Variants in FGF14 observed in about 807,000 individuals in gnomAD.
FGF14 encodes fibroblast growth factor homologous factor 4.
A neutral mutation model predicts 25.5 loss-of-function variants in FGF14; 5 were observed. The ratio of observed to expected loss-of-function variants is 0.20; its 90% CI spans 0.10 to 0.41. FGF14 has a LOEUF of 0.41. Among genes scored for constraint, FGF14 ranks in the 10% least tolerant of loss-of-function variants. The pLI, the probability that FGF14 is intolerant of heterozygous loss-of-function variation, is 1.00. For synonymous variants in FGF14, 138 were observed against 118.3 expected (o/e 1.17, Z -1.08); for missense variants, 222 against 320.1 (o/e 0.69, Z 2.34).
chr13:102,192,449 G>C (rs1271633194), intron 1 of FGF14, among the ~76,000 whole-genome samples: 1 of 152,096 alleles, frequency 6.6e-6, no homozygotes, highest in Non-Finnish European at 1.5e-5. Context: ...CTTCACCACA[G>C]GCTTTTTTAT....
At chr13:102,222,117 C>A (rs989309061) in intron 1 of FGF14, among the ~76,000 whole-genome samples, 3 of 152,166 alleles carry the variant, frequency 2.0e-5, no homozygotes, top group Admixed American at 1.3e-4. Context: ...CAGTCTCACT[C>A]TGAACACAGA....
At chr13:101,797,595 A>ATTTCAGCCTTTGC (rs1286015645) in intron 3 of FGF14, among the ~76,000 whole-genome samples, 6 of 152,106 alleles carry the variant, frequency 3.9e-5, no homozygotes, top group Non-Finnish European at 7.4e-5. Context: ...CCAAGCTTTG[A>ATTTCAGCCTTTGC]TTTCAGCCTT....
chr13:102,085,691 G>A (rs1337340070), intron 1 of FGF14, among the ~76,000 whole-genome samples: 1 of 152,132 alleles, frequency 6.6e-6, no homozygotes. Context: ...AATGTACTCA[G>A]GTACACAGGT....
intron 1 of FGF14, among the ~76,000 whole-genome samples, chr13:102,378,904 G>T (rs1323457661): frequency 6.6e-6 from 1 of 151,988 alleles, no homozygotes; most frequent in African/African-American, 2.4e-5. Context: ...TTTACACAGG[G>T]TTACATAAAA....
chr13:102,252,764 C>T (rs1461054537), intron 1 of FGF14, among the ~76,000 whole-genome samples: 1 of 151,996 alleles, frequency 6.6e-6, no homozygotes, highest in Non-Finnish European at 1.5e-5. Flanking sequence ...TGGTTTGCTG[C>T]ACCCATTAAC....
intron 1 of FGF14, among the ~76,000 whole-genome samples, chr13:102,227,415 A>G (rs896987435): frequency 1.3e-5 from 2 of 152,000 alleles, no homozygotes; most frequent in Non-Finnish European, 2.9e-5. Flanking sequence ...CCTTTATTCT[A>G]TTTTTTAATA....
At chr13:102,244,119 A>G (rs2051738536) in intron 1 of FGF14, among the ~76,000 whole-genome samples, 1 of 152,084 alleles carries the variant, frequency 6.6e-6, no homozygotes. Flanking sequence ...TGAGAGTACT[A>G]CAAACGCGGT....
intron 1 of FGF14, among the ~76,000 whole-genome samples, chr13:102,103,762 C>T (rs1381193541): frequency 2.0e-5 from 3 of 152,088 alleles, no homozygotes; most frequent in Non-Finnish European, 4.4e-5. Flanking sequence ...GGTCCTGGCC[C>T]CACCCTGCTT....
intron 3 of FGF14, among the ~76,000 whole-genome samples, chr13:101,812,571 C>CA (rs2041577384): frequency 8.6e-6 from 1 of 115,980 alleles, no homozygotes; most frequent in South Asian, 2.9e-4. Context: ...GTGTTAATTT[C>CA]AAAAAGCACA....
At chr13:102,240,989 T>C (rs1241649021) in intron 1 of FGF14, among the ~76,000 whole-genome samples, 1 of 152,136 alleles carries the variant, frequency 6.6e-6, no homozygotes, top group Non-Finnish European at 1.5e-5. Context: ...TCTGAAAAGA[T>C]AATTCTCAGG....
rs531195906 is a variant in FGF14 at position 102,382,095 on chromosome 13, G to C, written c.208+19376C>G. On this transcript the variant is annotated intron_variant, in intron 1 of 4. Coordinates refer to the FGF14 transcript ENST00000376131. The stretch of plus-strand genomic sequence containing the variant: ...GGTTAGGAGATCATTTCTTAGGTAT[G>C]ATACCAACTATGTAAGTGACAAAGA... 3.0e-3 allele frequency among the ~76,000 whole-genome samples: 450 copies of C among 152,210 alleles called. 2 individuals are homozygous for C. The highest frequency in any genetic ancestry group is 5.2e-3 in the Non-Finnish European group (352 of 67,978).
intron 1 of FGF14, among the ~76,000 whole-genome samples, chr13:101,992,936 C>T (rs2038983521): frequency 6.6e-6 from 1 of 151,580 alleles, no homozygotes; most frequent in Non-Finnish European, 1.5e-5. Flanking sequence ...TAAGAATTTC[C>T]CAGAATTAAC....
rs537437325 is a variant in FGF14 at position 101,941,941 on chromosome 13, G to T, written c.209-66645C>A. Among the ~76,000 whole-genome samples the T allele has an allele frequency of 9.9e-5, 15 of 152,170 alleles. No homozygotes were observed. The East Asian group carries it at 2.9e-3, about 29-fold the overall frequency. ...TAGCATTAAGTACAAACCTTAGTTT[G>T]TAAAACTATATGTTTTACTCTCTTA... On this transcript the variant is annotated intron_variant, in intron 1 of 4. Coordinates refer to the FGF14 transcript ENST00000376131.
intron 1 of FGF14, among the ~76,000 whole-genome samples, chr13:102,188,123 C>T (rs768395545): frequency 1.3e-5 from 2 of 152,132 alleles, no homozygotes; most frequent in South Asian, 4.1e-4. Context: ...TAGGCTCCAA[C>T]TTAAATATCC....
intron 1 of FGF14, among the ~76,000 whole-genome samples, chr13:102,083,236 G>C: frequency 6.6e-6 from 1 of 152,140 alleles, no homozygotes; most frequent in African/African-American, 2.4e-5. Flanking sequence ...TCTTTTATCT[G>C]GATGGCTGCA....
At chr13:101,886,340 A>G (rs1341325327) in intron 1 of FGF14, among the ~76,000 whole-genome samples, 1 of 152,194 alleles carries the variant, frequency 6.6e-6, no homozygotes, top group East Asian at 1.9e-4. Context: ...GCATAAAAAC[A>G]GACACATAGA....
At chr13:101,865,275 C>T (rs1020947836) in intron 3 of FGF14, among the ~76,000 whole-genome samples, 1 of 152,034 alleles carries the variant, frequency 6.6e-6, no homozygotes, top group Non-Finnish European at 1.5e-5. Flanking sequence ...GCTTGGAAAA[C>T]AAACAAGCAA....
chr13:102,294,627 G>A (rs2054602413), intron 1 of FGF14, among the ~76,000 whole-genome samples: 3 of 152,116 alleles, frequency 2.0e-5, no homozygotes, highest in Admixed American at 2.0e-4. Flanking sequence ...AGTGGTTGCT[G>A]GGAACTAGAT....
At position 101,711,915 on chromosome 13, in the gene FGF14, G is replaced by C. The variant is rs2034485359; in HGVS notation, c.*10916C>G. 1.3e-5 allele frequency: 2 copies of C among 152,434 alleles called. No individual in the cohort carries two copies. The highest frequency in any genetic ancestry group is 2.1e-4 in the South Asian group (1 of 4,828). 9.4% of individuals were successfully genotyped at this position (152,434 alleles called of 1,614,324 possible). On this transcript the variant is annotated 3_prime_UTR_variant, in exon 5 of 5. Coordinates refer to ENST00000376143, the MANE Select transcript of FGF14 (RefSeq NM_004115.4). ...AGATCAGCCAGCTGTTCTCTGGCTAGGCTGGGTCTCAGGGGTGTGAGTGGG... is the reference window on the plus strand; with the variant it reads ...AGATCAGCCAGCTGTTCTCTGGCTACGCTGGGTCTCAGGGGTGTGAGTGGG...
Sources: gnomAD v4.1 joint callset for allele counts (sites outside exome capture counted in the v4.1 genomes callset) on GRCh38, gnomAD v4.1.1 for gene constraint, MANE v1.5 for transcripts, NCBI Gene and HGNC (gene_info 2026-07-23, HGNC 2026-07-21) for gene names.